The following KSR2 variants were observed in gnomAD, a reference collection of about 807,000 sequenced individuals.
KSR2 encodes the protein kinase suppressor of ras 2.
In KSR2, 25 loss-of-function variants were observed where a neutral mutation model predicts 107.8. The observed-to-expected ratio is 0.23, with a 90% CI of 0.17 to 0.32. KSR2 has a LOEUF of 0.32. Among genes scored for constraint, KSR2 ranks in the 10% least tolerant of loss-of-function variants. The pLI is 1.00. For synonymous variants in KSR2, 480 were observed against 507.0 expected, an observed-to-expected ratio of 0.95 and a Z score of 0.71; for missense variants, 887 against 1,268.9, an observed-to-expected ratio of 0.70 and a Z score of 4.57.
chr12:117,586,413 C>T (rs1203075165), intron 5 of KSR2, among the ~76,000 whole-genome samples: 1 of 151,668 alleles, frequency 6.6e-6, no homozygotes, highest in Non-Finnish European at 1.5e-5. Context: ...ATGGTGAAAC[C>T]CTGTCTCTAC....
At chr12:117,870,012 A>C (rs1190103484) in intron 1 of KSR2, among the ~76,000 whole-genome samples, 1 of 152,246 alleles carries the variant, frequency 6.6e-6, no homozygotes, top group African/African-American at 2.4e-5. Flanking sequence ...TGAGATCCAC[A>C]GAGCTATTGA....
At chr12:117,656,161 G>A (rs1036632381) in intron 5 of KSR2, among the ~76,000 whole-genome samples, 1 of 152,220 alleles carries the variant, frequency 6.6e-6, no homozygotes, top group Admixed American at 6.5e-5. Context: ...ACATGTTTGT[G>A]TACGTATACC....
chr12:117,577,366 AGG>A (rs61379455), intron 7 of KSR2, among the ~76,000 whole-genome samples: 27,374 of 144,812 alleles, frequency 0.19, 3,280 homozygotes, highest in African/African-American at 0.38. Flanking sequence ...AGAGAGAGAG[AGG>A]GGGGGAGAGA....
intron 16 of KSR2, among the ~76,000 whole-genome samples, chr12:117,484,170 G>T (rs1418061120): frequency 6.6e-6 from 1 of 152,196 alleles, no homozygotes; most frequent in Non-Finnish European, 1.5e-5. Context: ...GCTTTGAAAG[G>T]TCTGGGGGTG....
chr12:117,812,459 G>A (rs1175048519), intron 3 of KSR2, among the ~76,000 whole-genome samples: 1 of 152,096 alleles, frequency 6.6e-6, no homozygotes, highest in Non-Finnish European at 1.5e-5. Context: ...AGTTGATCTA[G>A]ACAGTTGAGC....
chr12:117,960,856 G>A (rs1174099974), intron 1 of KSR2, among the ~76,000 whole-genome samples: 1 of 148,960 alleles, frequency 6.7e-6, no homozygotes, highest in Non-Finnish European at 1.5e-5. Context: ...CTGGAGTGCA[G>A]TGGTACAATC....
chr12:117,545,387 A>C (rs1876781702), intron 9 of KSR2, among the ~76,000 whole-genome samples: 1 of 152,108 alleles, frequency 6.6e-6, no homozygotes, highest in Admixed American at 6.6e-5. Flanking sequence ...TTCTTTAAAC[A>C]TTTGGTAGTA....
chr12:117,573,679 C>T (rs1879057455), intron 7 of KSR2, among the ~76,000 whole-genome samples: 1 of 152,004 alleles, frequency 6.6e-6, no homozygotes, highest in African/African-American at 2.4e-5. Flanking sequence ...AGGCGCCCAT[C>T]ACCAAACTCG....
At chr12:117,955,054 C>T (rs1203549954) in intron 1 of KSR2, among the ~76,000 whole-genome samples, 1 of 151,860 alleles carries the variant, frequency 6.6e-6, no homozygotes, top group East Asian at 1.9e-4. Flanking sequence ...AACAGGCACT[C>T]GAATCTACTC....
rs111902938 is a variant in KSR2, at chr12:117,791,027, C to T, written c.473-29503G>A. On this transcript the variant is annotated intron_variant, in intron 3 of 19. Coordinates refer to ENST00000339824, the MANE Select transcript of KSR2 (RefSeq NM_173598.6). ...CCCCTCCTATCAACCTTAATGGCTC[C>T]CTATTCCCTTAGAATCCAAATTCTT... Among the ~76,000 whole-genome samples the T allele has an allele frequency of 8.1e-3, 1,228 of 152,260 alleles. 17 individuals are homozygous for T. The highest frequency in any genetic ancestry group is 0.024 in the African/African-American group (988 of 41,532).
chr12:117,638,913 C>A (rs1158496913), intron 5 of KSR2, among the ~76,000 whole-genome samples: 1 of 151,606 alleles, frequency 6.6e-6, no homozygotes, highest in Non-Finnish European at 1.5e-5. Context: ...TTTTAAAAAT[C>A]AAAATGAATG....
chr12:117,513,756 T>G (rs1874185885), intron 14 of KSR2, among the ~76,000 whole-genome samples: 1 of 152,226 alleles, frequency 6.6e-6, no homozygotes, highest in Non-Finnish European at 1.5e-5. Flanking sequence ...AGTGGATGGA[T>G]ACAAGCTTCA....
At chr12:117,476,724 A>T in intron 16 of KSR2, 129 bp from the exon 17 acceptor site, 1 of 978,514 alleles carries the variant, frequency 1.0e-6, no homozygotes, top group South Asian at 2.0e-5. Context: ...GCACTGCCTG[A>T]CCACCTACTG....
chr12:117,935,606 C>T (rs1345430167), intron 1 of KSR2, among the ~76,000 whole-genome samples: 4 of 152,190 alleles, frequency 2.6e-5, no homozygotes, highest in African/African-American at 7.2e-5. Context: ...ACTAAAAATA[C>T]AAAAGTTAGC....
At chr12:117,717,705 G>A (rs1444600374) in intron 4 of KSR2, among the ~76,000 whole-genome samples, 1 of 145,174 alleles carries the variant, frequency 6.9e-6, no homozygotes, top group Non-Finnish European at 1.5e-5. Context: ...GTGTGTGTGT[G>A]TGTGTGTGCA....
intron 3 of KSR2, 144 bp downstream of exon 3, chr12:117,855,284 C>T (rs1893060968): frequency 9.7e-7 from 1 of 1,032,782 alleles, no homozygotes; most frequent in Non-Finnish European, 1.4e-6. Context: ...CAGGTCCACG[C>T]TGCCTCTTCC....
At chr12:117,534,015 C>G (rs1031713111) in intron 10 of KSR2, among the ~76,000 whole-genome samples, 1 of 152,100 alleles carries the variant, frequency 6.6e-6, no homozygotes, top group Non-Finnish European at 1.5e-5. Flanking sequence ...TAAAGAACAA[C>G]TGGTGACCTT....
At chr12:117,967,844 C>A (rs1274503592) in intron 1 of KSR2, among the ~76,000 whole-genome samples, 3 of 151,986 alleles carry the variant, frequency 2.0e-5, no homozygotes, top group Non-Finnish European at 1.5e-5. Context: ...ACTACCACCA[C>A]CCAGCCAAGC....
At chr12:117,684,176 T>C (rs1290151095) in intron 4 of KSR2, among the ~76,000 whole-genome samples, 1 of 152,128 alleles carries the variant, frequency 6.6e-6, no homozygotes, top group East Asian at 1.9e-4. Flanking sequence ...CCTTTCCTCA[T>C]CCTGACCCAC....
Sources: gnomAD v4.1 joint callset for allele counts (sites outside exome capture counted in the v4.1 genomes callset) on GRCh38, gnomAD v4.1.1 for gene constraint, MANE v1.5 for transcripts, NCBI Gene and HGNC (gene_info 2026-07-23, HGNC 2026-07-21) for gene names.